TMEM175: variants seen among roughly 807,000 people sequenced by gnomAD.
TMEM175 encodes transmembrane protein 175, also known as endosomal/lysosomal proton channel TMEM175.
In TMEM175, 36 loss-of-function variants were observed where a neutral mutation model predicts 36.5. The observed-to-expected ratio is 0.99, with a 90% CI of 0.76 to 1.30. The LOEUF is 1.30. Ranked by LOEUF, TMEM175 falls within the 50% of genes most tolerant of loss-of-function variation. The probability of loss-of-function intolerance (pLI) is 0.00; values close to 1 mark genes in which losing one functional copy is unlikely to be tolerated. For missense variants in TMEM175, 705 were observed against 692.8 expected (o/e 1.02, Z -0.20); for synonymous variants, 339 against 313.4 (o/e 1.08, Z -0.86).
At chr4:955,557 G>A in intron 9 of TMEM175, 74 bp downstream of exon 9, 1 of 1,526,110 alleles carries the variant, frequency 6.6e-7, no homozygotes, top group South Asian at 1.1e-5. Context: ...TCCGCACTGA[G>A]GGCTGTCCGT....
At chr4:944,216 C>T (rs1282790902) in intron 1 of TMEM175, among the ~76,000 whole-genome samples, 1 of 152,174 alleles carries the variant, frequency 6.6e-6, no homozygotes, top group East Asian at 1.9e-4. Flanking sequence ...TCGCTTGAAC[C>T]CAGGAGGCGG....
At chr4:948,486 A>G (rs1728467526) in intron 3 of TMEM175, 1 of 1,438,564 alleles carries the variant, frequency 7.0e-7, no homozygotes, top group Non-Finnish European at 9.2e-7. Context: ...CCCCAAGGAC[A>G]GAAGTTTCCT....
At chr4:944,992 A>C (rs1415445571) in intron 1 of TMEM175, among the ~76,000 whole-genome samples, 2 of 152,110 alleles carry the variant, frequency 1.3e-5, no homozygotes, top group South Asian at 4.1e-4. Context: ...AGTCCCAGCA[A>C]CACAGGAGGC....
chr4:958,606 C>T lies in TMEM175; in HGVS notation c.*110C>T. ...GCAGGCCGCAGTGGTTCTTGCGTGG[C>T]CTGGTTTTATTTTCATTGTGAAATA... On this transcript the variant is annotated 3_prime_UTR_variant, in exon 11 of 11. Coordinates refer to ENST00000264771, the MANE Select transcript of TMEM175 (RefSeq NM_032326.4). 1.1e-6 allele frequency: 1 copy of T among 871,580 alleles called. No homozygotes were observed. Among genetic ancestry groups the T allele is most frequent in the Non-Finnish European group, 1.7e-6 (1 of 589,302 alleles). The allele number at this position is 871,580 out of a possible 1,614,324, so 54.0% of individuals were successfully genotyped here.
At chr4:939,895 A>G (rs1288733565) in intron 1 of TMEM175, among the ~76,000 whole-genome samples, 1 of 152,188 alleles carries the variant, frequency 6.6e-6, no homozygotes, top group East Asian at 1.9e-4. Flanking sequence ...GAAACAGATA[A>G]ACTGGATTTC....
intron 1 of TMEM175, 135 bp from the exon 2 acceptor site, chr4:947,574 C>T (rs1017924611): frequency 2.4e-5 from 16 of 679,602 alleles, no homozygotes; most frequent in South Asian, 1.5e-4. Flanking sequence ...GACAGAGCAG[C>T]GTGGACCCTT....
chr4:952,509 TGTGTG>T, intron 7 of TMEM175, 59 bp downstream of exon 7: 1 of 1,346,118 alleles, frequency 7.4e-7, no homozygotes, highest in Middle Eastern at 2.7e-4. Context: ...TGTGTGTGTG[TGTGTG>T]TGTGATCACC....
rs1553909144 is a variant in TMEM175, at chr4:956,067, G to GGTGGCCCCTCCCTTCCCA, written c.842+178_842+179insTGGCCCCTCCCTTCCCAG. On this transcript the variant is annotated intron_variant, in intron 10 of 10. Transcript: ENST00000264771. ...CCACTTCAGGGAGGACAACCTTCCCGGCGGCCCCTCCCTTCCCAGCGGCCC... is the reference window on the plus strand; with the variant it reads ...CCACTTCAGGGAGGACAACCTTCCCGGTGGCCCCTCCCTTCCCAGCGGCCCCTCCCTTCCCAGCGGCCC... The GGTGGCCCCTCCCTTCCCA allele has an allele frequency of 1.4e-4, 109 of 786,596 alleles. 1 individual carries two copies. In the African/African-American group the frequency reaches 3.4e-3, roughly 24 times the overall value. The allele number at this position is 786,596 out of a possible 1,614,324, so 48.7% of individuals were successfully genotyped here.
At position 955,891 on chromosome 4, in the gene TMEM175, G is replaced by A; in HGVS notation, c.842+1G>A. 4 of 1,612,636 alleles carry A rather than the reference G, an allele frequency of 2.5e-6. No homozygotes were observed. Among genetic ancestry groups the A allele is most frequent in the Non-Finnish European group, 3.4e-6 (4 of 1,178,834 alleles). On this transcript the variant is annotated splice_donor_variant, in intron 10 of 10. Transcript: ENST00000264771. LOFTEE classifies it high-confidence loss of function. ...CCACGCTTCTCATCCTGGACATCTG[G>A]TGAGGACCCCGCGTCACCTGCCCCA... is the stretch of plus-strand genomic sequence containing the variant.
intron 3 of TMEM175, among the ~76,000 whole-genome samples, chr4:948,821 T>C (rs1265400287): frequency 6.6e-6 from 1 of 152,210 alleles, no homozygotes; most frequent in Non-Finnish European, 1.5e-5. Context: ...CCTGGGCCAG[T>C]ACTGAGGTTG....
At chr4:951,744 C>T (rs778298127) in intron 6 of TMEM175, 27 bp downstream of exon 6, 1 of 1,612,970 alleles carries the variant, frequency 6.2e-7, no homozygotes, top group Non-Finnish European at 8.5e-7. Flanking sequence ...CCCTGACACC[C>T]TGAGGCTTTG....
chr4:955,284 C>A, intron 8 of TMEM175, 121 bp from the exon 9 acceptor site: 1 of 718,686 alleles, frequency 1.4e-6, no homozygotes, highest in Non-Finnish European at 2.4e-6. Context: ...CCATCAGATA[C>A]ATGATCTGCA....
At chr4:945,470 C>T (rs1212486288) in intron 1 of TMEM175, among the ~76,000 whole-genome samples, 1 of 152,220 alleles carries the variant, frequency 6.6e-6, no homozygotes, top group Non-Finnish European at 1.5e-5. Flanking sequence ...GCCCACCACC[C>T]TGGCTGGCCT....
intron 8 of TMEM175, among the ~76,000 whole-genome samples, chr4:953,877 A>T (rs758842239): frequency 1.9e-4 from 29 of 152,180 alleles, no homozygotes; most frequent in Non-Finnish European, 7.4e-5. Context: ...GTGGAGACAG[A>T]GTCTTGCTAT....
In TMEM175 at chr4:957,673, G is replaced by A. The variant is rs563692133; in HGVS notation, c.843-151G>A. On this transcript the variant is annotated intron_variant, in intron 10 of 10. Coordinates refer to ENST00000264771, the MANE Select transcript of TMEM175 (RefSeq NM_032326.4). The stretch of plus-strand genomic sequence containing the variant: ...CAGTGTGCCAAATACACATAAATAC[G>A]GCGTTCTGAAATTTAGCACACTGGG... 48 of 718,298 alleles carry A rather than the reference G, an allele frequency of 6.7e-5. No homozygotes were observed. The East Asian group carries it at 1.0e-3, about 15-fold the overall frequency. The allele number at this position is 718,298 out of a possible 1,614,324, so 44.5% of individuals were successfully genotyped here.
intron 1 of TMEM175, among the ~76,000 whole-genome samples, chr4:937,652 C>A (rs78501969): frequency 0.054 from 8,286 of 152,246 alleles, 354 homozygotes; most frequent in Middle Eastern, 0.12. Context: ...TATACAAACT[C>A]GGAAAGTTGA....
chr4:954,802 A>C (rs1489597937), intron 8 of TMEM175, among the ~76,000 whole-genome samples: 1 of 152,152 alleles, frequency 6.6e-6, no homozygotes, highest in Non-Finnish European at 1.5e-5. Flanking sequence ...ATCCTCATCA[A>C]CACCTGCTGT....
intron 8 of TMEM175, among the ~76,000 whole-genome samples, chr4:955,083 C>T (rs1560497308): frequency 1.3e-5 from 2 of 152,150 alleles, no homozygotes; most frequent in African/African-American, 4.8e-5. Flanking sequence ...CCAGGTTCAA[C>T]AGGCACACAC....
At chr4:950,386 A>T in intron 3 of TMEM175, 35 bp from the exon 4 acceptor site, 1 of 1,523,706 alleles carries the variant, frequency 6.6e-7, no homozygotes, top group Non-Finnish European at 9.1e-7. Context: ...CACTCATGTC[A>T]CCTGGGCTCT....
Sources: gnomAD v4.1 joint callset for allele counts (sites outside exome capture counted in the v4.1 genomes callset) on GRCh38, gnomAD v4.1.1 for gene constraint, MANE v1.5 for transcripts, NCBI Gene and HGNC (gene_info 2026-07-23, HGNC 2026-07-21) for gene names.